The following NTPCR variants were observed in gnomAD, a reference collection of about 807,000 sequenced individuals.
The protein encoded by NTPCR is cancer-related nucleoside-triphosphatase.
NTPCR carries 15 observed loss-of-function variants against 19.5 expected under a neutral mutation model. The observed-to-expected ratio is 0.77, with a 90% CI of 0.51 to 1.18. NTPCR has a LOEUF of 1.18. NTPCR is among the 50% of genes most tolerant of loss of function. NTPCR has a pLI of 0.00. For missense variants in NTPCR, 206 were observed against 240.4 expected (o/e 0.86, Z 0.95); for synonymous variants, 90 against 95.8 (o/e 0.94, Z 0.36).
chr1:232,965,853 A>T (rs1571961278), intron 3 of NTPCR: 1 of 152,256 alleles, frequency 6.6e-6, no homozygotes, highest in East Asian at 1.9e-4. Flanking sequence ...GTGAGTCCCG[A>T]GAGGCCATTT....
In NTPCR at chr1:232,978,237, C is replaced by G. The variant is rs746575346; in HGVS notation, c.*6C>G. Reference sequence around the variant, plus strand: ...TGCAGAGCAGCAGGAAGTGAAGACACGTGCATTCCTGCCTTCCGTGAAGGA... The same window carrying G: ...TGCAGAGCAGCAGGAAGTGAAGACAGGTGCATTCCTGCCTTCCGTGAAGGA... On this transcript the variant is annotated 3_prime_UTR_variant, in exon 5 of 5. Transcript: ENST00000366628. 1.9e-6 allele frequency: 3 copies of G among 1,613,358 alleles called. No individual in the cohort carries two copies. The highest frequency in any genetic ancestry group is 2.7e-5 in the African/African-American group (2 of 74,918).
intron 4 of NTPCR, among the ~76,000 whole-genome samples, chr1:232,977,696 G>A (rs1376637351): frequency 6.6e-6 from 1 of 152,138 alleles, no homozygotes; most frequent in Non-Finnish European, 1.5e-5. Context: ...TTGTGGAGAG[G>A]CGGGTAGATG....
At chr1:232,968,403 AT>A (rs1380136063) in intron 3 of NTPCR, 1 of 152,254 alleles carries the variant, frequency 6.6e-6, no homozygotes, top group East Asian at 1.9e-4. Context: ...CTTCCGTGCA[AT>A]CACAACTGGG....
chr1:232,965,161 A>G (rs567988624), intron 3 of NTPCR: 3 of 152,354 alleles, frequency 2.0e-5, no homozygotes, highest in African/African-American at 2.4e-5. Flanking sequence ...TTTTGTGCCT[A>G]TGCCTCCATA....
In NTPCR at chr1:232,950,761, C is replaced by T. The variant is rs1668341644; in HGVS notation, c.34+17C>T. 1 of 1,579,588 alleles carries T rather than the reference C, an allele frequency of 6.3e-7. No individual in the cohort carries two copies. On this transcript the variant is annotated intron_variant, in intron 1 of 4. Transcript: ENST00000366628. ...GGCCCCCAGGTAACCCTGAGGGGATCCCCACCTCCAAGAGGTCGAGGGGGT... is the reference window on the plus strand; with the variant it reads ...GGCCCCCAGGTAACCCTGAGGGGATTCCCACCTCCAAGAGGTCGAGGGGGT...
rs1669300055 is a variant in NTPCR, at chr1:232,982,138, C to T, written c.*3907C>T. ...CTCTAAATGGGGGCTTAGAATATAA[C>T]ATTTTGCAGGAAGTCCTTTCTGATA... On this transcript the variant is annotated 3_prime_UTR_variant, in exon 5 of 5. Transcript: ENST00000366628. The T allele has an allele frequency of 6.6e-6, 1 of 152,188 alleles. No homozygotes were observed. Among genetic ancestry groups the T allele is most frequent in the African/African-American group, 2.4e-5 (1 of 41,440 alleles). 9.4% of individuals were successfully genotyped at this position (152,188 alleles called of 1,614,324 possible). A position where few individuals can be genotyped will look rare whatever the true frequency, so the allele number is the denominator to read the frequency against.
At position 232,950,669 on chromosome 1, in the gene NTPCR, G is replaced by T; in HGVS notation, c.-42G>T. On this transcript the variant is annotated 5_prime_UTR_variant, in exon 1 of 5. Transcript: ENST00000366628. Reference sequence around the variant, plus strand: ...CTGACCTGAATTGCGACCCCAACCTGGACTGCTCCCCTGACCGCAACCCCT... The same window carrying T: ...CTGACCTGAATTGCGACCCCAACCTTGACTGCTCCCCTGACCGCAACCCCT... The T allele has an allele frequency of 6.4e-7, 1 of 1,563,742 alleles. No homozygotes were observed.
chr1:232,955,591 T>A lies in NTPCR; in HGVS notation c.69T>A (p.Ser23Arg). The stretch of plus-strand genomic sequence containing the variant: ...AAACAACATTGATCCATAAAGCCAG[T>A]GAGGTTTTAAAATCCTCTGGTGTGC... ...VGKTTLIHKA[S>R]EVLKSSGVPV... The change falls in exon 2 of 5, where the codon AGT becomes AGA. Residue 23 changes from serine to arginine, a missense_variant. By Grantham distance (110) the Ser-to-Arg change is moderately radical. Coordinates refer to ENST00000366628, the MANE Select transcript of NTPCR (RefSeq NM_032324.3). 1 of 1,609,998 alleles carries A rather than the reference T, an allele frequency of 6.2e-7. No individual in the cohort carries two copies. Among genetic ancestry groups the A allele is most frequent in the African/African-American group, 1.3e-5 (1 of 74,554 alleles).
chr1:232,964,680 G>C (rs1668764581), intron 3 of NTPCR: 1 of 152,120 alleles, frequency 6.6e-6, no homozygotes, highest in Non-Finnish European at 1.5e-5. Flanking sequence ...TGCCATAATG[G>C]TTAAGCTTTT....
chr1:232,965,790 C>G (rs1668798687), intron 3 of NTPCR: 1 of 152,262 alleles, frequency 6.6e-6, no homozygotes, highest in African/African-American at 2.4e-5. Context: ...TGGAAAACCC[C>G]ATGGCTACCA....
intron 4 of NTPCR, chr1:232,976,379 C>G: frequency 1.3e-6 from 2 of 1,549,394 alleles, no homozygotes; most frequent in Non-Finnish European, 1.7e-6. Flanking sequence ...AGCAAATTCT[C>G]CAGCTGTGTA....
Position 232,970,118 on chromosome 1 carries a change from T to C in NTPCR, c.504T>C (p.Asn168=), listed in dbSNP as rs573881542. The C allele has an allele frequency of 3.0e-5, 48 of 1,611,192 alleles. No homozygotes were observed. In the South Asian group the frequency reaches 5.1e-4, roughly 17 times the overall value. Residue 168 remains asparagine, a splice_region_variant and synonymous_variant, in exon 4 of 5, where the codon AAT becomes AAC. Coordinates refer to ENST00000366628, the MANE Select transcript of NTPCR (RefSeq NM_032324.3). ...ACAGAAAGGATGTGAAGGTGTTTAA[T>C]GTGAGTACAGCCAGTCCTCCATAAT... ...IRNRKDVKVF[N]VTKENRNHLL...
At chr1:232,959,527 A>G (rs1278317134) in intron 3 of NTPCR, among the ~76,000 whole-genome samples, 2 of 152,202 alleles carry the variant, frequency 1.3e-5, no homozygotes, top group African/African-American at 4.8e-5. Flanking sequence ...TATGGGAATG[A>G]AGAAAGGAGA....
intron 4 of NTPCR, among the ~76,000 whole-genome samples, chr1:232,972,248 G>T (rs138123268): frequency 0.011 from 1,618 of 151,320 alleles, 14 homozygotes; most frequent in Non-Finnish European, 0.015. Context: ...GTTTTTTTTT[G>T]TTGTTGTTGC....
intron 4 of NTPCR, among the ~76,000 whole-genome samples, chr1:232,975,791 T>C (rs1669108270): frequency 6.6e-6 from 1 of 152,202 alleles, no homozygotes; most frequent in African/African-American, 2.4e-5. Context: ...GGGATTACTT[T>C]CTTCTTTCTG....
At chr1:232,965,197 C>T (rs1004175448) in intron 3 of NTPCR, 4 of 152,160 alleles carry the variant, frequency 2.6e-5, no homozygotes, top group African/African-American at 4.8e-5. Context: ...GAGTGCTATT[C>T]GTTCTTATTG....
intron 1 of NTPCR, 26 bp from the exon 2 acceptor site, chr1:232,955,531 T>TTC (rs1491499630): frequency 4.6e-5 from 7 of 151,994 alleles, no homozygotes; most frequent in African/African-American, 1.3e-4. Flanking sequence ...GCTTTTCTTC[T>TTC]TTTTTTTTTT....
intron 3 of NTPCR, among the ~76,000 whole-genome samples, chr1:232,958,655 C>A (rs1668582465): frequency 1.3e-5 from 2 of 152,206 alleles, no homozygotes; most frequent in African/African-American, 4.8e-5. Flanking sequence ...TTGGAACTTA[C>A]CCTCAGTTCC....
intron 2 of NTPCR, among the ~76,000 whole-genome samples, 197 bp downstream of exon 2, chr1:232,955,916 A>T (rs1480380194): frequency 6.6e-6 from 1 of 152,182 alleles, no homozygotes; most frequent in East Asian, 1.9e-4. Flanking sequence ...TCTATCCTCA[A>T]GAATCTTAGG....
Sources: gnomAD v4.1 joint callset for allele counts (sites outside exome capture counted in the v4.1 genomes callset) on GRCh38, gnomAD v4.1.1 for gene constraint, MANE v1.5 for transcripts, NCBI Gene and HGNC (gene_info 2026-07-23, HGNC 2026-07-21) for gene names.